The following L3MBTL3 variants were observed in gnomAD, a reference collection of about 807,000 sequenced individuals.
The protein encoded by L3MBTL3 is lethal(3)malignant brain tumor-like protein 3.
In L3MBTL3, 27 loss-of-function variants were observed where a neutral mutation model predicts 102.3. The observed-to-expected ratio is 0.26, with a 90% CI of 0.19 to 0.36. L3MBTL3 has a LOEUF of 0.36. Among genes scored for constraint, L3MBTL3 ranks in the 10% least tolerant of loss-of-function variants. The pLI is 1.00. For synonymous variants in L3MBTL3, 340 were observed against 320.9 expected (o/e 1.06, Z -0.64); for missense variants, 798 against 955.3 (o/e 0.84, Z 2.17).
In L3MBTL3 at chr6:130,048,967, C is replaced by CACACACACACACACACAT. The variant is rs71678245; in HGVS notation, c.103-312_103-311insCACACACACACACATACA. Among the ~76,000 whole-genome samples the CACACACACACACACACAT allele has an allele frequency of 2.9e-3, 440 of 150,560 alleles. 3 individuals carry two copies. The highest frequency in any genetic ancestry group is 5.2e-3 in the Admixed American group (78 of 15,124). ...ACACACACACACACACACACACACA[C>CACACACACACACACACAT]ACATACACACACAAAGTGTGTTTGA... On this transcript the variant is annotated intron_variant, in intron 3 of 22. Coordinates refer to ENST00000361794, the MANE Select transcript of L3MBTL3 (RefSeq NM_032438.4).
At chr6:130,036,218 G>A (rs1780053595) in intron 2 of L3MBTL3, among the ~76,000 whole-genome samples, 1 of 152,200 alleles carries the variant, frequency 6.6e-6, no homozygotes, top group Non-Finnish European at 1.5e-5. Context: ...GGGTGACTTA[G>A]AAGCAGCTTT....
At chr6:130,064,782 G>T (rs1782138511) in intron 10 of L3MBTL3, among the ~76,000 whole-genome samples, 1 of 152,162 alleles carries the variant, frequency 6.6e-6, no homozygotes, top group African/African-American at 2.4e-5. Context: ...GGATGTAGGA[G>T]ATTGTTTCTC....
chr6:130,059,945 AAT>A (rs1198408971), intron 9 of L3MBTL3, 89 bp from the exon 10 acceptor site: 2 of 647,892 alleles, frequency 3.1e-6, no homozygotes, highest in African/African-American at 3.8e-5. Flanking sequence ...TATTTGGTTA[AAT>A]AGTCTTTATT....
intron 10 of L3MBTL3, 54 bp downstream of exon 10, chr6:130,060,194 T>A: frequency 1.8e-6 from 2 of 1,101,632 alleles, no homozygotes; most frequent in Non-Finnish European, 2.6e-6. Flanking sequence ...TATGGGGATT[T>A]AAAATGAGGA....
Position 130,066,390 on chromosome 6 carries a change from A to G in L3MBTL3, c.902A>G (p.Tyr301Cys), listed in dbSNP as rs760846056. The G allele has an allele frequency of 1.1e-5, 17 of 1,610,278 alleles. No homozygotes were observed. Among genetic ancestry groups the G allele is most frequent in the Non-Finnish European group, 1.3e-5 (15 of 1,178,210 alleles). ...GYRIKLHFDG[Y>C]SDCYDFWVNA... is the part of the protein sequence containing the mutation. ...CGGATAAAGCTTCACTTTGATGGGT[A>G]TTCTGATTGCTATGACTTCTGGGTG... Residue 301 changes from tyrosine (Y) to cysteine (C), a missense_variant, in exon 11 of 23, where the codon TAT becomes TGT. Around this residue, in one of 4 missense-constraint regions of L3MBTL3, gnomAD observed 434 missense variants for 506.6 expected, o/e 0.86. Transcript: ENST00000361794.
intron 2 of L3MBTL3, among the ~76,000 whole-genome samples, chr6:130,032,944 G>A (rs1036220416): frequency 6.6e-6 from 1 of 152,210 alleles, no homozygotes; most frequent in Non-Finnish European, 1.5e-5. Context: ...CGTGATCCAT[G>A]ATTGCACCAC....
chr6:130,045,747 T>A (rs1464577057), intron 3 of L3MBTL3, among the ~76,000 whole-genome samples: 1 of 152,138 alleles, frequency 6.6e-6, no homozygotes, highest in Non-Finnish European at 1.5e-5. Flanking sequence ...GAAAAGCAGA[T>A]GTCATTTGAG....
intron 18 of L3MBTL3, among the ~76,000 whole-genome samples, chr6:130,098,733 G>T (rs1342051031): frequency 6.6e-6 from 1 of 152,108 alleles, no homozygotes; most frequent in East Asian, 1.9e-4. Context: ...GCTTAAGGAA[G>T]CACCTGAGAT....
At chr6:130,029,960 A>G (rs1327215213) in intron 2 of L3MBTL3, among the ~76,000 whole-genome samples, 1 of 152,098 alleles carries the variant, frequency 6.6e-6, no homozygotes. Flanking sequence ...AGTAGCTGGG[A>G]CTAGAGGCAT....
chr6:130,048,779 G>A (rs1780882509), intron 3 of L3MBTL3, among the ~76,000 whole-genome samples: 1 of 152,208 alleles, frequency 6.6e-6, no homozygotes, highest in Admixed American at 6.5e-5. Context: ...GTAAGGAGAA[G>A]GATGTTCAGG....
In L3MBTL3 at chr6:130,071,820, T is replaced by A. The variant is rs147013997; in HGVS notation, c.1244+693T>A. Among the ~76,000 whole-genome samples the A allele has an allele frequency of 1.5e-3, 236 of 152,272 alleles. 3 individuals are homozygous for A. The East Asian group carries it at 0.038, about 24-fold the overall frequency. The stretch of plus-strand genomic sequence containing the variant: ...GCTAAATATCAAGGAGGTTTGTTTT[T>A]TGACCTAATTTTTTAGTATCCATAT... On this transcript the variant is annotated intron_variant, in intron 13 of 22. Coordinates refer to ENST00000361794, the MANE Select transcript of L3MBTL3 (RefSeq NM_032438.4).
intron 2 of L3MBTL3, among the ~76,000 whole-genome samples, chr6:130,042,232 G>A (rs1780466364): frequency 6.6e-6 from 1 of 152,048 alleles, no homozygotes; most frequent in Non-Finnish European, 1.5e-5. Flanking sequence ...CTTTTTATGG[G>A]TATTTGCTGT....
intron 9 of L3MBTL3, 80 bp from the exon 10 acceptor site, chr6:130,059,956 T>G (rs1781780600): frequency 5.5e-6 from 4 of 722,070 alleles, no homozygotes; most frequent in Non-Finnish European, 9.3e-6. Context: ...ATAGTCTTTA[T>G]TTTTAAAATG....
In L3MBTL3 at chr6:130,053,009, A is replaced by C; in HGVS notation, c.582+18A>C. The C allele has an allele frequency of 1.3e-6, 2 of 1,581,726 alleles. No homozygotes were observed. Among genetic ancestry groups the C allele is most frequent in the East Asian group, 2.2e-5 (1 of 44,692 alleles). On this transcript the variant is annotated intron_variant, in intron 7 of 22. Coordinates refer to ENST00000361794, the MANE Select transcript of L3MBTL3 (RefSeq NM_032438.4). ...ATGAAATGGTGAGTGCCTCTGCCTG[A>C]CACCAGGAGCACAGGGATGCATCTT...
At position 130,133,702 on chromosome 6, in the gene L3MBTL3, C is replaced by G; in HGVS notation, c.2136+81C>G. ...GGTGTGGAACATTGAGCGTAGGTAG[C>G]GTTTAGTCTTTTTTTTTCTGAAAGA... On this transcript the variant is annotated intron_variant, in intron 21 of 22. Transcript: ENST00000361794. The surrounding 1 kb of genome is among the most constrained non-coding windows in gnomAD (Gnocchi z 4.9). 6.5e-7 allele frequency: 1 copy of G among 1,537,980 alleles called. No individual in the cohort carries two copies. The highest frequency in any genetic ancestry group is 2.3e-5 in the East Asian group (1 of 44,114).
At chr6:130,022,360 C>G (rs780263018) in intron 2 of L3MBTL3, 55 bp downstream of exon 2, 1 of 152,192 alleles carries the variant, frequency 6.6e-6, no homozygotes, top group Non-Finnish European at 1.5e-5. Context: ...TGTTAAAAAG[C>G]TGCATTTGGA....
At chr6:130,107,341 T>A (rs1785051548) in intron 19 of L3MBTL3, among the ~76,000 whole-genome samples, 1 of 152,170 alleles carries the variant, frequency 6.6e-6, no homozygotes, top group Admixed American at 6.5e-5. Context: ...TCTTTCTTCT[T>A]CCCACATAAC....
intron 20 of L3MBTL3, among the ~76,000 whole-genome samples, chr6:130,121,508 A>AT (rs1459095823): frequency 6.6e-6 from 1 of 152,096 alleles, no homozygotes; most frequent in Non-Finnish European, 1.5e-5. Context: ...ATAGTATGTA[A>AT]TTTTTTATAT....
intron 20 of L3MBTL3, among the ~76,000 whole-genome samples, chr6:130,131,575 AAGAAAG>A (rs1249804836): frequency 2.0e-5 from 3 of 152,220 alleles, no homozygotes; most frequent in African/African-American, 2.4e-5. Flanking sequence ...GGTCTCGCGC[AAGAAAG>A]AATTTGGGGC....
Sources: gnomAD v4.1 joint callset for allele counts (sites outside exome capture counted in the v4.1 genomes callset) on GRCh38, gnomAD v4.1.1 for gene constraint, gnomAD v4.1.1 regional missense constraint, Gnocchi (gnomAD v3.1) non-coding constraint, MANE v1.5 for transcripts, NCBI Gene and HGNC (gene_info 2026-07-23, HGNC 2026-07-21) for gene names.